The following NT5DC1 variants were observed in gnomAD, a reference collection of about 807,000 sequenced individuals.
NT5DC1 encodes the protein 5'-nucleotidase domain-containing protein 1.
Under a neutral mutation model 59.4 loss-of-function variants are expected in NT5DC1, and 42 were observed. The observed-to-expected ratio is 0.71, with a 90% CI of 0.55 to 0.92. The LOEUF is 0.92. Ranked by LOEUF, NT5DC1 falls within the 40% of genes least tolerant of loss-of-function variation. The pLI, the probability that NT5DC1 is intolerant of heterozygous loss-of-function variation, is 0.00. For missense variants in NT5DC1, 501 were observed against 537.1 expected, an observed-to-expected ratio of 0.93 and a Z score of 0.66; for synonymous variants, 172 against 188.1, an observed-to-expected ratio of 0.91 and a Z score of 0.70.
intron 6 of NT5DC1, chr6:116,120,735 C>T (rs747068252): frequency 3.1e-6 from 5 of 1,590,410 alleles, no homozygotes; most frequent in Admixed American, 1.8e-5. Context: ...CCAGGGAATC[C>T]TGGAATGCCT....
intron 3 of NT5DC1, among the ~76,000 whole-genome samples, chr6:116,110,316 A>G (rs1003592673): frequency 6.6e-6 from 1 of 152,174 alleles, no homozygotes; most frequent in South Asian, 2.1e-4. Context: ...CGATTTCCCT[A>G]TTTGGTTTTA....
intron 6 of NT5DC1, among the ~76,000 whole-genome samples, chr6:116,209,013 TTCAC>T (rs1229113080): frequency 6.6e-6 from 1 of 152,040 alleles, no homozygotes; most frequent in South Asian, 2.1e-4. Flanking sequence ...TTTTGTAATA[TTCAC>T]TCTGCTCAGA....
intron 6 of NT5DC1, chr6:116,119,043 A>T (rs1401705814): frequency 6.5e-6 from 1 of 152,672 alleles, no homozygotes; most frequent in East Asian, 1.9e-4. Context: ...ATGTTATTTT[A>T]TTGCGTCGTA....
chr6:116,168,908 A>G (rs941545559), intron 6 of NT5DC1, among the ~76,000 whole-genome samples: 2 of 152,182 alleles, frequency 1.3e-5, no homozygotes, highest in African/African-American at 4.8e-5. Context: ...GCTTCAGGCC[A>G]TTGAGAGCTG....
At chr6:116,139,657 T>C (rs9488847) in intron 6 of NT5DC1, among the ~76,000 whole-genome samples, 5,309 of 152,266 alleles carry the variant, frequency 0.035, 309 homozygotes, top group African/African-American at 0.12. Flanking sequence ...ACGATCTAGT[T>C]TTTTGATTTG....
chr6:116,120,069 G>A (rs762806219), intron 6 of NT5DC1: 6 of 1,611,960 alleles, frequency 3.7e-6, no homozygotes, highest in Non-Finnish European at 5.1e-6. Flanking sequence ...AGCTCTGTGT[G>A]TACTCACATT....
Position 116,120,140 on chromosome 6 carries a change from G to A in NT5DC1, c.529+2195G>A, listed in dbSNP as rs1340952961. The A allele has an allele frequency of 1.9e-6, 3 of 1,614,034 alleles. No individual in the cohort carries two copies. The highest frequency in any genetic ancestry group is 4.5e-5 in the East Asian group (2 of 44,894). ...ATACTCAGAGGAGTATAGGCCATTTGACTCGGCATTGGGAAGCTGGAGCCA... is the reference window on the plus strand; with the variant it reads ...ATACTCAGAGGAGTATAGGCCATTTAACTCGGCATTGGGAAGCTGGAGCCA... On this transcript the variant is annotated intron_variant, in intron 6 of 11. Coordinates refer to ENST00000319550, the MANE Select transcript of NT5DC1 (RefSeq NM_152729.3).
chr6:116,226,142 A>G (rs926261419), intron 8 of NT5DC1, among the ~76,000 whole-genome samples: 5 of 152,352 alleles, frequency 3.3e-5, no homozygotes, highest in Admixed American at 3.3e-4. Flanking sequence ...ATAATCTGTT[A>G]TCAAGAATTC....
chr6:116,135,513 A>G (rs755779941), intron 6 of NT5DC1, among the ~76,000 whole-genome samples: 7 of 151,920 alleles, frequency 4.6e-5, no homozygotes, highest in Admixed American at 3.3e-4. Context: ...TGCTTGGACA[A>G]AATTAACTTT....
chr6:116,133,617 T>C (rs1779520547), intron 6 of NT5DC1, among the ~76,000 whole-genome samples: 1 of 152,154 alleles, frequency 6.6e-6, no homozygotes, highest in Non-Finnish European at 1.5e-5. Flanking sequence ...TTAATCATAC[T>C]AACAATGAAA....
At chr6:116,129,854 G>T (rs1418880409) in intron 6 of NT5DC1, among the ~76,000 whole-genome samples, 1 of 152,096 alleles carries the variant, frequency 6.6e-6, no homozygotes, top group African/African-American at 2.4e-5. Context: ...CACTTAACTT[G>T]CTACTGTGGA....
At chr6:116,237,738 GTT>G in intron 9 of NT5DC1, 1 of 293,342 alleles carries the variant, frequency 3.4e-6, no homozygotes, top group South Asian at 3.4e-5. Flanking sequence ...CACAGATTCT[GTT>G]TCAACCAGTC....
At chr6:116,180,509 A>G (rs1780852455) in intron 6 of NT5DC1, among the ~76,000 whole-genome samples, 1 of 152,124 alleles carries the variant, frequency 6.6e-6, no homozygotes, top group Non-Finnish European at 1.5e-5. Flanking sequence ...TCATGAATGG[A>G]GAAGACTGAT....
intron 6 of NT5DC1, among the ~76,000 whole-genome samples, chr6:116,173,804 A>G (rs1780671654): frequency 6.6e-6 from 1 of 152,164 alleles, no homozygotes. Flanking sequence ...TTATTATGGT[A>G]CCTTTGTCAC....
chr6:116,125,460 T>A (rs1440310490), intron 6 of NT5DC1: 3 of 1,613,744 alleles, frequency 1.9e-6, no homozygotes, highest in Non-Finnish European at 1.7e-6. Flanking sequence ...AGTTCAAGGA[T>A]ACTAGCAGCA....
chr6:116,186,279 C>T (rs1010282577), intron 6 of NT5DC1, among the ~76,000 whole-genome samples: 3 of 151,350 alleles, frequency 2.0e-5, no homozygotes, highest in Non-Finnish European at 4.4e-5. Flanking sequence ...TTACCTGATG[C>T]TTTTGTCTCA....
chr6:116,161,151 T>C (rs896917194), intron 6 of NT5DC1, among the ~76,000 whole-genome samples: 1 of 130,642 alleles, frequency 7.7e-6, no homozygotes, highest in Admixed American at 9.5e-5. Flanking sequence ...TGAGAACACA[T>C]GGACACAGGA....
chr6:116,125,328 A>G lies in NT5DC1; in HGVS notation c.529+7383A>G, dbSNP rs199644615. The G allele has an allele frequency of 8.1e-6, 13 of 1,613,048 alleles. No individual in the cohort carries two copies. The Admixed American group carries it at 1.8e-4, about 23-fold the overall frequency. On this transcript the variant is annotated intron_variant, in intron 6 of 11. Transcript: ENST00000319550. ...ACTTGTTAATAGAACAAAATATACA[A>G]TTCAATTTACCTTTACTCTTTATGG...
At chr6:116,178,052 AGTGTGTGTGTGTGT>A (rs61085607) in intron 6 of NT5DC1, among the ~76,000 whole-genome samples, 29 of 136,316 alleles carry the variant, frequency 2.1e-4, no homozygotes, top group African/African-American at 5.5e-4. Context: ...CAAAGAGGAA[AGTGTGTGTGTGTGT>A]GTGTGTGTGT....
Sources: allele counts gnomAD v4.1 joint callset (sites outside exome capture counted in the v4.1 genomes callset), GRCh38; gene constraint gnomAD v4.1.1; transcripts MANE v1.5; gene names NCBI Gene and HGNC (gene_info 2026-07-23, HGNC 2026-07-21).